Variants in RGS8 observed in about 807,000 individuals in gnomAD.
The protein encoded by RGS8 is regulator of G-protein signaling 8.
Under a neutral mutation model 21.7 loss-of-function variants are expected in RGS8, and 8 were observed. The observed-to-expected ratio is 0.37, with a 90% CI of 0.22 to 0.66. The LOEUF is 0.66. RGS8 is among the 30% of genes least tolerant of loss of function. RGS8 has a pLI of 0.59. For missense variants in RGS8, 157 were observed against 217.9 expected, an observed-to-expected ratio of 0.72 and a Z score of 1.76; for synonymous variants, 80 against 83.6, an observed-to-expected ratio of 0.96 and a Z score of 0.24.
the RGS8 span, among the ~76,000 whole-genome samples, chr1:182,697,501 C>T: frequency 0.039 from 5,903 of 152,288 alleles, 151 homozygotes; most frequent in East Asian, 0.1. Flanking sequence ...AGAACCCCTT[C>T]GGCTATTGTT....
At chr1:182,645,284 G>A (rs990748057), downstream of RGS8, 1 of 152,060 alleles carries the variant, frequency 6.6e-6, no homozygotes, top group Admixed American at 6.6e-5. Flanking sequence ...AAATCCACTG[G>A]TCGTGAATTA....
chr1:182,651,177 C>A (rs185369374), intron 5 of RGS8, among the ~76,000 whole-genome samples: 4 of 152,180 alleles, frequency 2.6e-5, no homozygotes, highest in Non-Finnish European at 4.4e-5. Flanking sequence ...GAGAATCATT[C>A]GTTCAATTCA....
At chr1:182,700,504 G>T in the RGS8 span, among the ~76,000 whole-genome samples, 1 of 152,140 alleles carries the variant, frequency 6.6e-6, no homozygotes, top group Non-Finnish European at 1.5e-5. Context: ...GCCAGTCCAG[G>T]GTGGTATTCC....
At chr1:182,730,666 C>T in the RGS8 span, among the ~76,000 whole-genome samples, 11 of 151,336 alleles carry the variant, frequency 7.3e-5, no homozygotes, top group African/African-American at 1.2e-4. Context: ...GCCAAGATCC[C>T]GCCACTGCAC....
intron 1 of RGS8, 30 bp from the exon 3 acceptor site, chr1:182,671,760 A>G: frequency 6.2e-7 from 1 of 1,613,620 alleles, no homozygotes; most frequent in African/African-American, 1.3e-5. Flanking sequence ...TTCTTTTAGC[A>G]GTCAAATCCT....
upstream of RGS8, among the ~76,000 whole-genome samples, chr1:182,677,268 T>C (rs1397677100): frequency 2.0e-5 from 3 of 152,208 alleles, no homozygotes; most frequent in East Asian, 5.8e-4. Context: ...AATAGCAATG[T>C]CATAGTCTCG....
At chr1:182,732,301 A>ACACACACACACACACACACACC in the RGS8 span, among the ~76,000 whole-genome samples, 1 of 150,538 alleles carries the variant, frequency 6.6e-6, no homozygotes, top group Non-Finnish European at 1.5e-5. Context: ...ACACACACAC[A>ACACACACACACACACACACACC]CCCACTGTAG....
At chr1:182,686,540 C>CT (rs1664713135), upstream of RGS8, among the ~76,000 whole-genome samples, 1 of 152,024 alleles carries the variant, frequency 6.6e-6, no homozygotes, top group Non-Finnish European at 1.5e-5. Flanking sequence ...GAATGTGGGG[C>CT]TTGGGGATGG....
At chr1:182,664,935 T>A (rs948922600) in intron 5 of RGS8, among the ~76,000 whole-genome samples, 2 of 152,208 alleles carry the variant, frequency 1.3e-5, no homozygotes, top group African/African-American at 2.4e-5. Flanking sequence ...TCTAAAGACA[T>A]CCAAGACTGA....
At chr1:182,735,208 A>G in the RGS8 span, among the ~76,000 whole-genome samples, 3 of 152,196 alleles carry the variant, frequency 2.0e-5, no homozygotes, top group Non-Finnish European at 4.4e-5. Flanking sequence ...AAAAGCACTT[A>G]TTTAATGTAT....
the RGS8 span, among the ~76,000 whole-genome samples, chr1:182,742,220 T>G: frequency 7.1e-6 from 1 of 141,538 alleles, no homozygotes; most frequent in East Asian, 2.1e-4. Context: ...CTAGATGGGA[T>G]GGCGGCCGGG....
At chr1:182,736,858 G>A in the RGS8 span, among the ~76,000 whole-genome samples, 2 of 152,204 alleles carry the variant, frequency 1.3e-5, no homozygotes, top group African/African-American at 4.8e-5. Flanking sequence ...GCCATGCTGT[G>A]ACATGTCCAT....
the RGS8 span, among the ~76,000 whole-genome samples, chr1:182,739,409 G>C: frequency 6.6e-6 from 1 of 152,178 alleles, no homozygotes; most frequent in Non-Finnish European, 1.5e-5. Flanking sequence ...CCCCGACCTT[G>C]AGTACTGACG....
downstream of RGS8, chr1:182,644,108 A>C (rs551666516): frequency 1.3e-5 from 2 of 152,420 alleles, no homozygotes; most frequent in Non-Finnish European, 2.9e-5. Flanking sequence ...GAAACATGGA[A>C]GCTCAGGGAT....
At chr1:182,749,668 A>T in the RGS8 span, among the ~76,000 whole-genome samples, 1 of 152,160 alleles carries the variant, frequency 6.6e-6, no homozygotes, top group Non-Finnish European at 1.5e-5. Flanking sequence ...TTAAATCTTC[A>T]GCTCTACCAT....
upstream of RGS8, chr1:182,672,945 A>C: frequency 8.2e-7 from 1 of 1,217,316 alleles, no homozygotes; most frequent in Non-Finnish European, 1.2e-6. Flanking sequence ...GAGAAGTATC[A>C]GAAATGCAAA....
At chr1:182,682,065 G>A (rs1466911281) in intron 1 of RGS8, among the ~76,000 whole-genome samples, 5 of 152,200 alleles carry the variant, frequency 3.3e-5, no homozygotes, top group Non-Finnish European at 7.3e-5. Flanking sequence ...AAATGTAGGT[G>A]TTTGGACAAA....
the RGS8 span, among the ~76,000 whole-genome samples, chr1:182,707,024 T>TG: frequency 6.6e-6 from 1 of 151,458 alleles, no homozygotes; most frequent in East Asian, 2.0e-4. Flanking sequence ...CCAGGCGTGG[T>TG]GGGGGGTGCC....
chr1:182,724,232 A>ATG, the RGS8 span, among the ~76,000 whole-genome samples: 2 of 126,038 alleles, frequency 1.6e-5, no homozygotes, highest in African/African-American at 6.3e-5. Context: ...ATATATATAT[A>ATG]TATATATATA....
Sources: allele counts gnomAD v4.1 joint callset (sites outside exome capture counted in the v4.1 genomes callset), GRCh38; gene constraint gnomAD v4.1.1; transcripts MANE v1.5; gene names NCBI Gene and HGNC (gene_info 2026-07-23, HGNC 2026-07-21).